The following OSMR variants were observed in gnomAD, a reference collection of about 807,000 sequenced individuals.
OSMR encodes oncostatin-M-specific receptor subunit beta.
OSMR carries 81 observed loss-of-function variants against 99.9 expected under a neutral mutation model. That is an observed-to-expected ratio of 0.81 (90% CI 0.68 to 0.97). The LOEUF (loss-of-function observed/expected upper bound fraction) is 0.97, where lower values mean the gene tolerates loss of function less well. Ranked by LOEUF, OSMR falls within the 50% of genes least tolerant of loss-of-function variation. The pLI is 0.00. For missense variants in OSMR, 1,099 were observed against 1,153.4 expected (o/e 0.95, Z 0.68); for synonymous variants, 406 against 410.4 (o/e 0.99, Z 0.13).
chr5:38,892,625 A>G (rs1053862448), intron 7 of OSMR, among the ~76,000 whole-genome samples: 1 of 152,200 alleles, frequency 6.6e-6, no homozygotes, highest in African/African-American at 2.4e-5. Context: ...GTACTGCCAC[A>G]TCGGAGAACA....
chr5:38,885,387 G>A lies in OSMR; in HGVS notation c.742G>A (p.Glu248Lys), dbSNP rs568940448. ...GCCCAAGGACTTTTCTTGTGAAACC[G>A]AGGACTTCAAGACTTTGCACTGTAC... is the stretch of plus-strand genomic sequence containing the variant. Reference protein sequence around the residue: ...EEPKDFSCETEDFKTLHCTWD... With the variant: ...EEPKDFSCETKDFKTLHCTWD... The change falls in exon 6 of 18, where the codon GAG becomes AAG. Residue 248 changes from glutamate to lysine, a missense_variant. Glu to Lys is a moderately conservative substitution (Grantham distance 56). Coordinates refer to ENST00000274276, the MANE Select transcript of OSMR (RefSeq NM_003999.3). 8.7e-6 allele frequency: 14 copies of A among 1,613,748 alleles called. No individual in the cohort carries two copies. The highest frequency in any genetic ancestry group is 4.0e-5 in the African/African-American group (3 of 75,038).
chr5:38,859,471 T>C (rs955791263), intron 1 of OSMR, among the ~76,000 whole-genome samples: 21 of 152,196 alleles, frequency 1.4e-4, no homozygotes, highest in Non-Finnish European at 8.8e-5. Context: ...TCTGTTTTTA[T>C]ACCAATATCA....
chr5:38,854,012 G>A (rs547378539), intron 1 of OSMR, among the ~76,000 whole-genome samples: 2 of 151,716 alleles, frequency 1.3e-5, no homozygotes, highest in Admixed American at 6.6e-5. Context: ...TCTTCAAAGG[G>A]GCTCTCAAAT....
Position 38,931,926 on chromosome 5 carries a change from C to T in OSMR, c.2256C>T (p.Val752=). The change falls in exon 16 of 18, where the codon GTC becomes GTT. Residue 752 remains valine (V), a synonymous_variant. Coordinates refer to ENST00000274276, the MANE Select transcript of OSMR (RefSeq NM_003999.3). ...IHILLPMVFC[V]LLIMVMCYLK... ...TCCTACTGCCCATGGTTTTCTGCGT[C>T]TTGCTCATCATGGTCATGTGCTACT... is the stretch of plus-strand genomic sequence containing the variant. 4.3e-6 allele frequency: 7 copies of T among 1,613,612 alleles called. No homozygotes were observed. Among genetic ancestry groups the T allele is most frequent in the Non-Finnish European group, 5.9e-6 (7 of 1,179,610 alleles).
At chr5:38,899,509 G>A (rs1392464956) in intron 7 of OSMR, among the ~76,000 whole-genome samples, 2 of 152,134 alleles carry the variant, frequency 1.3e-5, no homozygotes, top group Non-Finnish European at 2.9e-5. Flanking sequence ...AGGCACTGTA[G>A]TGGGTCTCAC....
At chr5:38,938,416 C>T (rs1025722556), downstream of OSMR, 3 of 230,958 alleles carry the variant, frequency 1.3e-5, no homozygotes, top group African/African-American at 6.7e-5. Context: ...CCCTCTCTGC[C>T]CCAAGACTTT....
intron 1 of OSMR, among the ~76,000 whole-genome samples, chr5:38,862,487 G>T (rs1454909866): frequency 4.0e-5 from 6 of 151,034 alleles, no homozygotes; most frequent in African/African-American, 1.5e-4. Context: ...CCCAGACGGG[G>T]TGGCTGCCGG....
intron 7 of OSMR, among the ~76,000 whole-genome samples, chr5:38,892,666 G>T (rs1443834018): frequency 6.6e-6 from 1 of 152,168 alleles, no homozygotes; most frequent in Non-Finnish European, 1.5e-5. Flanking sequence ...GTATTGGGTT[G>T]AGTCATGAGA....
intron 1 of OSMR, among the ~76,000 whole-genome samples, chr5:38,860,875 G>A (rs988857928): frequency 6.6e-6 from 1 of 152,090 alleles, no homozygotes; most frequent in Admixed American, 6.5e-5. Context: ...GTTTCACCAT[G>A]TTGGCCAGGC....
At chr5:38,916,777 T>A (rs1745921001) in intron 9 of OSMR, among the ~76,000 whole-genome samples, 1 of 152,126 alleles carries the variant, frequency 6.6e-6, no homozygotes, top group Non-Finnish European at 1.5e-5. Flanking sequence ...AGCAGGTTGT[T>A]TTCTGAGTTC....
intron 7 of OSMR, among the ~76,000 whole-genome samples, chr5:38,888,233 C>T (rs1376319143): frequency 6.6e-6 from 1 of 152,158 alleles, no homozygotes. Flanking sequence ...AACTGGCCCT[C>T]CCGCCCTAGC....
Position 38,923,174 on chromosome 5 carries a change from A to G in OSMR, c.1790A>G (p.Tyr597Cys), listed in dbSNP as rs543031125. The G allele has an allele frequency of 1.2e-6, 2 of 1,613,388 alleles. No homozygotes were observed. The highest frequency in any genetic ancestry group is 8.5e-7 in the Non-Finnish European group (1 of 1,179,346). ...GATGCTTTTAGGCCAGGAGTTCGAT[A>G]TGACTTCAGAATTTATGGGTTATCT... ...STDAFRPGVR[Y>C]DFRIYGLSTK... Residue 597 changes from tyrosine (Y) to cysteine (C), a missense_variant, in exon 13 of 18, where the codon TAT becomes TGT. Transcript: ENST00000274276.
At chr5:38,893,922 A>G (rs1278269490) in intron 7 of OSMR, among the ~76,000 whole-genome samples, 3 of 152,196 alleles carry the variant, frequency 2.0e-5, no homozygotes, top group African/African-American at 7.2e-5. Context: ...AAATGCAACT[A>G]GAGAAAAAGG....
chr5:38,874,388 G>A (rs190222229), intron 2 of OSMR, among the ~76,000 whole-genome samples: 112 of 152,192 alleles, frequency 7.4e-4, no homozygotes, highest in African/African-American at 2.5e-3. Context: ...TTTCAGGGAA[G>A]GTAGCCATTG....
At position 38,886,054 on chromosome 5, in the gene OSMR, G is replaced by T; in HGVS notation, c.855G>T (p.Lys285Asn). The T allele has an allele frequency of 1.2e-6, 2 of 1,613,408 alleles. No homozygotes were observed. The highest frequency in any genetic ancestry group is 1.7e-6 in the Non-Finnish European group (2 of 1,179,858). ...GTTTTTAAAGATTTTCTGGGGAAAA[G>T]AAACTTTGTACACACAAAAACTGGT... is the stretch of plus-strand genomic sequence containing the variant. ...YTLFESFSGE[K>N]KLCTHKNWCN... Residue 285 changes from lysine to asparagine, a missense_variant, in exon 7 of 18, where the codon AAG (lysine) becomes AAT (asparagine). Physicochemically the swap from Lys to Asn is moderately conservative, Grantham distance 94 (BLOSUM62 0). Coordinates refer to ENST00000274276, the MANE Select transcript of OSMR (RefSeq NM_003999.3).
chr5:38,866,341 C>A (rs1163990665), intron 1 of OSMR, among the ~76,000 whole-genome samples: 2 of 152,268 alleles, frequency 1.3e-5, no homozygotes, highest in Admixed American at 6.5e-5. Context: ...CCCCAGCCCC[C>A]CTAAAAGTAC....
At chr5:38,920,557 C>T (rs1285615516) in intron 11 of OSMR, among the ~76,000 whole-genome samples, 1 of 152,172 alleles carries the variant, frequency 6.6e-6, no homozygotes, top group African/African-American at 2.4e-5. Context: ...CTATAAAGCC[C>T]TCATGGGCTT....
intron 1 of OSMR, among the ~76,000 whole-genome samples, chr5:38,860,089 A>G (rs114215450): frequency 0.042 from 6,339 of 152,234 alleles, 246 homozygotes; most frequent in African/African-American, 0.099. Flanking sequence ...GCTTTAGCTA[A>G]GACTTCCAGT....
At chr5:38,863,228 A>T (rs1256688990) in intron 1 of OSMR, among the ~76,000 whole-genome samples, 7 of 82,708 alleles carry the variant, frequency 8.5e-5, no homozygotes, top group African/African-American at 3.3e-4. Context: ...AGGGGGAGAG[A>T]TGATTTTGGT....
Sources: gnomAD v4.1 joint callset for allele counts (sites outside exome capture counted in the v4.1 genomes callset) on GRCh38, gnomAD v4.1.1 for gene constraint, MANE v1.5 for transcripts, NCBI Gene and HGNC (gene_info 2026-07-23, HGNC 2026-07-21) for gene names.